Variants in CDKAL1 observed in about 807,000 individuals in gnomAD.
CDKAL1 encodes threonylcarbamoyladenosine tRNA methylthiotransferase.
In CDKAL1, 32 loss-of-function variants were observed where a neutral mutation model predicts 68.2. The ratio of observed to expected loss-of-function variants is 0.47; its 90% CI spans 0.35 to 0.63. The LOEUF (loss-of-function observed/expected upper bound fraction) is 0.63. CDKAL1 is among the 30% of genes least tolerant of loss of function. CDKAL1 has a pLI of 0.00. For missense variants in CDKAL1, 606 were observed against 696.7 expected (o/e 0.87, Z 1.47); for synonymous variants, 234 against 244.3 (o/e 0.96, Z 0.39).
chr6:21,031,048 T>C (rs1249625088), intron 11 of CDKAL1, among the ~76,000 whole-genome samples: 2 of 152,076 alleles, frequency 1.3e-5, no homozygotes, highest in Non-Finnish European at 2.9e-5. Context: ...TGGCACTGCA[T>C]GGGTCAAACT....
At chr6:20,707,754 G>A (rs1360687373) in intron 5 of CDKAL1, among the ~76,000 whole-genome samples, 3 of 152,172 alleles carry the variant, frequency 2.0e-5, no homozygotes, top group African/African-American at 7.2e-5. Flanking sequence ...AATTGTGCTG[G>A]TATAGTGCCT....
intron 7 of CDKAL1, among the ~76,000 whole-genome samples, chr6:20,772,054 T>C (rs1274540595): frequency 6.6e-6 from 1 of 152,240 alleles, no homozygotes; most frequent in Non-Finnish European, 1.5e-5. Flanking sequence ...TTATGTCTTG[T>C]ACATTTTATT....
intron 4 of CDKAL1, among the ~76,000 whole-genome samples, chr6:20,596,313 A>G (rs774906045): frequency 1.3e-5 from 2 of 152,194 alleles, no homozygotes; most frequent in Non-Finnish European, 2.9e-5. Context: ...AGTTTTATCT[A>G]TAAGCCTCTG....
intron 11 of CDKAL1, among the ~76,000 whole-genome samples, chr6:21,034,244 C>A (rs1021005512): frequency 6.6e-5 from 10 of 152,068 alleles, no homozygotes; most frequent in South Asian, 2.1e-4. Context: ...TCCTCAGAAT[C>A]TGGAAGGAAG....
chr6:20,634,894 T>C (rs1767830095), intron 4 of CDKAL1, among the ~76,000 whole-genome samples: 1 of 150,648 alleles, frequency 6.6e-6, no homozygotes, highest in African/African-American at 2.4e-5. Context: ...GGAGAATCGC[T>C]TGAACCTGGG....
intron 8 of CDKAL1, among the ~76,000 whole-genome samples, chr6:20,804,618 T>C (rs1453009499): frequency 6.6e-6 from 1 of 152,204 alleles, no homozygotes; most frequent in Non-Finnish European, 1.5e-5. Context: ...CATTTTAAAA[T>C]TGTTTTTGAC....
intron 9 of CDKAL1, among the ~76,000 whole-genome samples, chr6:20,907,550 C>A (rs1311958911): frequency 6.6e-6 from 1 of 151,962 alleles, no homozygotes. Context: ...AAAAATACTC[C>A]TAGGTAGTCC....
chr6:21,084,409 CTG>C (rs1772585441), intron 12 of CDKAL1, among the ~76,000 whole-genome samples: 2 of 152,256 alleles, frequency 1.3e-5, no homozygotes, highest in African/African-American at 4.8e-5. Context: ...TCCTCAGAAA[CTG>C]TGCAGATCAA....
intron 11 of CDKAL1, among the ~76,000 whole-genome samples, chr6:21,054,615 C>G (rs745416064): frequency 2.6e-5 from 4 of 152,032 alleles, no homozygotes; most frequent in Non-Finnish European, 5.9e-5. Flanking sequence ...TTTAGATCTT[C>G]TTTAATTTCT....
At chr6:21,197,926 G>A (rs538185734) in intron 13 of CDKAL1, 95 bp from the exon 14 acceptor site, 3 of 675,388 alleles carry the variant, frequency 4.4e-6, no homozygotes, top group African/African-American at 3.6e-5. Flanking sequence ...ACGCTACTTG[G>A]TCCAGACCTA....
intron 13 of CDKAL1, among the ~76,000 whole-genome samples, chr6:21,166,170 A>G (rs915260490): frequency 2.0e-5 from 3 of 152,184 alleles, no homozygotes; most frequent in Non-Finnish European, 2.9e-5. Flanking sequence ...ATTGGGAAGA[A>G]AAAGGGGGTA....
chr6:21,135,253 C>A (rs1315294033), intron 13 of CDKAL1, among the ~76,000 whole-genome samples: 1 of 152,102 alleles, frequency 6.6e-6, no homozygotes, highest in African/African-American at 2.4e-5. Flanking sequence ...AGTTTAATAA[C>A]CTCAAGCCTG....
At chr6:21,143,940 G>A (rs1210659440) in intron 13 of CDKAL1, among the ~76,000 whole-genome samples, 1 of 152,024 alleles carries the variant, frequency 6.6e-6, no homozygotes, top group Non-Finnish European at 1.5e-5. Context: ...CTGCCATTCT[G>A]CTGTAAAGTG....
intron 8 of CDKAL1, among the ~76,000 whole-genome samples, chr6:20,824,724 G>A (rs1220235680): frequency 6.6e-6 from 1 of 152,174 alleles, no homozygotes; most frequent in Non-Finnish European, 1.5e-5. Context: ...CTGGTTAGAA[G>A]CAAGTTACAG....
intron 4 of CDKAL1, among the ~76,000 whole-genome samples, chr6:20,564,620 C>A (rs1401241480): frequency 6.6e-6 from 1 of 152,050 alleles, no homozygotes; most frequent in African/African-American, 2.4e-5. Context: ...CCTGTGTGAT[C>A]CATTGTAATT....
At chr6:20,877,119 A>G (rs1760559162) in intron 9 of CDKAL1, among the ~76,000 whole-genome samples, 1 of 152,216 alleles carries the variant, frequency 6.6e-6, no homozygotes, top group African/African-American at 2.4e-5. Context: ...CGGTGGAATC[A>G]ATAAGCATTT....
At chr6:20,761,174 T>A (rs1774446876) in intron 7 of CDKAL1, among the ~76,000 whole-genome samples, 1 of 152,240 alleles carries the variant, frequency 6.6e-6, no homozygotes, top group Non-Finnish European at 1.5e-5. Flanking sequence ...ACATCGTATG[T>A]CTGTCATTAG....
At chr6:20,849,477 G>T (rs935431473) in intron 9 of CDKAL1, among the ~76,000 whole-genome samples, 1 of 151,654 alleles carries the variant, frequency 6.6e-6, no homozygotes, top group African/African-American at 2.4e-5. Context: ...CAGCTACTTG[G>T]GAGGCGGAGG....
Position 21,183,164 on chromosome 6 carries a change from G to A in CDKAL1, c.1300-14857G>A, listed in dbSNP as rs72838039. Among the ~76,000 whole-genome samples, 1,046 of 147,542 alleles carry A rather than the reference G, an allele frequency of 7.1e-3. 3 individuals carry two copies. Among genetic ancestry groups the A allele is most frequent in the Non-Finnish European group, 0.01 (699 of 67,236 alleles). ...TTTTTTTTTTTTTCCAGCATAATTCGTCTTTCCAATAGCTACTGAAAAAAA... is the reference window on the plus strand; with the variant it reads ...TTTTTTTTTTTTTCCAGCATAATTCATCTTTCCAATAGCTACTGAAAAAAA... On this transcript the variant is annotated intron_variant, in intron 13 of 15. Coordinates refer to ENST00000274695, the MANE Select transcript of CDKAL1 (RefSeq NM_017774.3).
Sources: gnomAD v4.1 joint callset for allele counts (sites outside exome capture counted in the v4.1 genomes callset) on GRCh38, gnomAD v4.1.1 for gene constraint, MANE v1.5 for transcripts, NCBI Gene and HGNC (gene_info 2026-07-23, HGNC 2026-07-21) for gene names.